The following SP140 variants were observed in gnomAD, a reference collection of about 807,000 sequenced individuals.
SP140 encodes the protein SP140 nuclear body protein, also known as nuclear body protein SP140.
Under a neutral mutation model 125.0 loss-of-function variants are expected in SP140, and 81 were observed. That is an observed-to-expected ratio of 0.65 (90% confidence interval 0.54 to 0.78). The LOEUF (loss-of-function observed/expected upper bound fraction) is 0.78. Ranked by LOEUF, SP140 falls within the 30% of genes least tolerant of loss-of-function variation. The pLI is 0.00. For missense variants in SP140, 858 were observed against 1,037.0 expected, an observed-to-expected ratio of 0.83 and a Z score of 2.37; for synonymous variants, 312 against 354.0, an observed-to-expected ratio of 0.88 and a Z score of 1.33.
intron 2 of SP140, 117 bp from the exon 3 acceptor site, chr2:230,238,096 C>A (rs2048235054): frequency 2.9e-6 from 2 of 698,546 alleles, no homozygotes; most frequent in Non-Finnish European, 4.7e-6. Context: ...AGAAGTCATC[C>A]AAATATACGC....
intron 6 of SP140, 86 bp from the exon 7 acceptor site, chr2:230,245,777 C>T: frequency 1.6e-5 from 14 of 856,572 alleles, no homozygotes; most frequent in Non-Finnish European, 2.4e-5. Context: ...AGCAGTTCTA[C>T]ACCCGAATAT....
intron 16 of SP140, among the ~76,000 whole-genome samples, chr2:230,284,918 G>A (rs1364287158): frequency 6.6e-6 from 1 of 152,018 alleles, no homozygotes; most frequent in East Asian, 1.9e-4. Flanking sequence ...ATATGCAGTG[G>A]TTACATTTGG....
chr2:230,275,212 T>A (rs1191399728), intron 15 of SP140, among the ~76,000 whole-genome samples: 1 of 152,168 alleles, frequency 6.6e-6, no homozygotes, highest in Non-Finnish European at 1.5e-5. Flanking sequence ...CGTTTCTTTG[T>A]GGTATAGGCA....
Position 230,278,979 on chromosome 2 carries a change from G to A in SP140, c.1499-5367G>A, listed in dbSNP as rs2055127185. 2.6e-5 allele frequency among the ~76,000 whole-genome samples: 4 copies of A among 152,028 alleles called. No homozygotes were observed. In the South Asian group the frequency reaches 8.3e-4, roughly 31 times the overall value. On this transcript the variant is annotated intron_variant, in intron 15 of 26. Coordinates refer to ENST00000392045, the MANE Select transcript of SP140 (RefSeq NM_007237.5). ...CAAAAAACTGTTGGAACTAACAAAT[G>A]AATTAGTAAGGTTGCAGAATTCAAA...
At chr2:230,284,222 A>G in intron 15 of SP140, 124 bp from the exon 16 acceptor site, 1 of 858,532 alleles carries the variant, frequency 1.2e-6, no homozygotes, top group Non-Finnish European at 1.8e-6. Context: ...CTGATCATAA[A>G]GTATTTTGCC....
chr2:230,279,926 GT>G lies in SP140; in HGVS notation c.1499-4409del, dbSNP rs78689393. Among the ~76,000 whole-genome samples, 91 of 145,342 alleles carry G rather than the reference GT, an allele frequency of 6.3e-4. 1 individual carries two copies. The highest frequency in any genetic ancestry group is 1.7e-3 in the South Asian group (8 of 4,578). ...GCATATACCACCCCTAAACCAAGGT[GT>G]TTTTTTTTTTAATTTGCAACCTAAT... On this transcript the variant is annotated intron_variant, in intron 15 of 26. Transcript: ENST00000392045.
intron 21 of SP140, 25 bp from the exon 22 acceptor site, chr2:230,297,396 A>G (rs754901369): frequency 3.1e-5 from 50 of 1,612,080 alleles, no homozygotes; most frequent in Non-Finnish European, 4.2e-5. Flanking sequence ...AATATCATAA[A>G]TCAATCTTTC....
chr2:230,225,687 A>G (rs759597114), upstream of SP140: 8 of 696,250 alleles, frequency 1.1e-5, no homozygotes, highest in Middle Eastern at 3.7e-4. Flanking sequence ...TGGAGGGAGG[A>G]CTGTAGAGTT....
intron 18 of SP140, among the ~76,000 whole-genome samples, chr2:230,288,465 CT>C (rs2056693797): frequency 1.3e-5 from 1 of 79,290 alleles, no homozygotes; most frequent in South Asian, 4.9e-4. Flanking sequence ...ATCTTTCTTT[CT>C]TTCTTTCTTT....
chr2:230,242,648 C>T (rs1395306846), intron 4 of SP140, among the ~76,000 whole-genome samples: 1 of 152,128 alleles, frequency 6.6e-6, no homozygotes, highest in Non-Finnish European at 1.5e-5. Context: ...GATCGAACTC[C>T]TCTGCAGCAC....
chr2:230,241,602 C>T, intron 4 of SP140, 115 bp downstream of exon 4: 1 of 673,438 alleles, frequency 1.5e-6, no homozygotes, highest in Non-Finnish European at 2.7e-6. Context: ...CCCAGTCCTC[C>T]TCCCCTCACA....
At chr2:230,223,183 C>T (rs1170949176), upstream of SP140, among the ~76,000 whole-genome samples, 3 of 151,924 alleles carry the variant, frequency 2.0e-5, no homozygotes, top group African/African-American at 7.3e-5. Context: ...ACTACAGGCA[C>T]GCATCACCAT....
At chr2:230,227,232 G>A (rs1013743331) in intron 1 of SP140, among the ~76,000 whole-genome samples, 1 of 152,214 alleles carries the variant, frequency 6.6e-6, no homozygotes, top group Admixed American at 6.5e-5. Context: ...GAAAGCAAAA[G>A]CTATTGCTAT....
chr2:230,284,530 A>T (rs1433302050), intron 16 of SP140, 119 bp downstream of exon 16: 5 of 771,376 alleles, frequency 6.5e-6, no homozygotes, highest in Non-Finnish European at 7.9e-6. Context: ...ATCCATTAGG[A>T]TGTAGACTAA....
At chr2:230,187,484 G>A in the SP140 span, among the ~76,000 whole-genome samples, 8 of 152,132 alleles carry the variant, frequency 5.3e-5, no homozygotes, top group African/African-American at 9.6e-5. Flanking sequence ...ACGAAGAAGC[G>A]TTTCAGTTTA....
In SP140 at chr2:230,253,425, T is replaced by C; in HGVS notation, c.1159+8T>C. ...TACCAGGTGAAGGAGAAGGTAATTA[T>C]GATGTACATTTTTAGGTATTTGAGT... On this transcript the variant is annotated splice_region_variant and intron_variant, in intron 11 of 26. Transcript: ENST00000392045. The C allele has an allele frequency of 1.9e-6, 3 of 1,577,068 alleles. No individual in the cohort carries two copies. Among genetic ancestry groups the C allele is most frequent in the Non-Finnish European group, 2.6e-6 (3 of 1,146,490 alleles).
chr2:230,315,691 G>A (rs1559389213), downstream of SP140, among the ~76,000 whole-genome samples: 1 of 152,182 alleles, frequency 6.6e-6, no homozygotes, highest in Non-Finnish European at 1.5e-5. Context: ...GTGAAAACAA[G>A]TAAGTTAAAA....
intron 22 of SP140, among the ~76,000 whole-genome samples, chr2:230,305,224 G>A (rs1051164522): frequency 8.5e-5 from 13 of 152,198 alleles, no homozygotes; most frequent in African/African-American, 2.9e-4. Context: ...ACTCCTGCAA[G>A]AATGGCCATA....
At chr2:230,314,367 A>C (rs1428579614), downstream of SP140, among the ~76,000 whole-genome samples, 1 of 152,222 alleles carries the variant, frequency 6.6e-6, no homozygotes, top group East Asian at 1.9e-4. Context: ...TATCCTCCGA[A>C]GGAGCTGTAG....
Sources: allele counts gnomAD v4.1 joint callset (sites outside exome capture counted in the v4.1 genomes callset), GRCh38; gene constraint gnomAD v4.1.1; transcripts MANE v1.5; gene names NCBI Gene and HGNC (gene_info 2026-07-23, HGNC 2026-07-21).